Variants in MAPK10 observed in about 807,000 individuals in gnomAD.
MAPK10 encodes the protein JNK3 alpha protein kinase.
In MAPK10, 25 loss-of-function variants were observed where a neutral mutation model predicts 59.3. That is an observed-to-expected ratio of 0.42 (90% CI 0.31 to 0.59). The LOEUF (loss-of-function observed/expected upper bound fraction) is 0.59, where lower values mean the gene tolerates loss of function less well. MAPK10 is among the 20% of genes least tolerant of loss of function. The pLI is 0.15. For synonymous variants in MAPK10, 190 were observed against 200.5 expected (o/e 0.95, Z 0.44); for missense variants, 351 against 568.9 (o/e 0.62, Z 3.90).
At chr4:86,128,628 C>CT (rs2149133618) in intron 4 of MAPK10, among the ~76,000 whole-genome samples, 1 of 152,192 alleles carries the variant, frequency 6.6e-6, no homozygotes, top group Non-Finnish European at 1.5e-5. Context: ...TTGGGTATGA[C>CT]TTTTTTAACA....
At chr4:86,580,781 T>A (rs1014506686) in intron 1 of MAPK10, among the ~76,000 whole-genome samples, 2 of 152,198 alleles carry the variant, frequency 1.3e-5, no homozygotes, top group African/African-American at 2.4e-5. Context: ...ATAACTCATG[T>A]GGACACACAT....
chr4:86,075,993 C>CTCGTTG (rs2049291299), intron 9 of MAPK10, among the ~76,000 whole-genome samples: 4 of 151,642 alleles, frequency 2.6e-5, no homozygotes, highest in Non-Finnish European at 4.4e-5. Context: ...CTCCCCCAGC[C>CTCGTTG]CTCCTGGGGC....
intron 2 of MAPK10, chr4:86,336,271 T>G (rs1485014596): frequency 6.6e-6 from 1 of 152,124 alleles, no homozygotes; most frequent in Non-Finnish European, 1.5e-5. Context: ...GATGTGGGTA[T>G]TTTGGGTAAG....
intron 1 of MAPK10, among the ~76,000 whole-genome samples, chr4:86,404,629 T>C (rs1394624475): frequency 6.6e-6 from 1 of 152,210 alleles, no homozygotes; most frequent in East Asian, 1.9e-4. Context: ...ATCCTACCAT[T>C]TTAAGCACCC....
intron 2 of MAPK10, among the ~76,000 whole-genome samples, chr4:86,324,199 GA>G (rs1423740594): frequency 2.0e-5 from 3 of 152,094 alleles, no homozygotes; most frequent in African/African-American, 7.2e-5. Flanking sequence ...CTGCAGTCAG[GA>G]GTTCGAGACC....
At position 86,469,560 on chromosome 4, in the gene MAPK10, T is replaced by C. The variant is rs116533263; in HGVS notation, c.-262-114916A>G. 1.6e-3 allele frequency among the ~76,000 whole-genome samples: 251 copies of C among 152,338 alleles called. 1 individual carries two copies. The highest frequency in any genetic ancestry group is 3.4e-3 in the Middle Eastern group (1 of 294). On this transcript the variant is annotated intron_variant, in intron 1 of 4. Transcript: ENST00000502302. Reference sequence around the variant, plus strand: ...AGGCAATCACTCACTGCCAAGATTTTCCAATTGCCAATACTTTCCAATTTC... The same window carrying C: ...AGGCAATCACTCACTGCCAAGATTTCCCAATTGCCAATACTTTCCAATTTC...
intron 1 of MAPK10, among the ~76,000 whole-genome samples, chr4:86,508,192 G>A (rs962108031): frequency 4.6e-5 from 7 of 151,882 alleles, no homozygotes; most frequent in East Asian, 1.9e-4. Flanking sequence ...ATTTAGTTTC[G>A]CATTAATGGT....
At chr4:86,338,873 T>TA (rs1723183817) in intron 2 of MAPK10, among the ~76,000 whole-genome samples, 3 of 152,034 alleles carry the variant, frequency 2.0e-5, no homozygotes, top group South Asian at 4.1e-4. Flanking sequence ...ATTTAGTGCC[T>TA]AGTGTTGACA....
chr4:86,322,835 T>C (rs1181794719), intron 2 of MAPK10, among the ~76,000 whole-genome samples: 1 of 152,182 alleles, frequency 6.6e-6, no homozygotes, highest in African/African-American at 2.4e-5. Flanking sequence ...TGCCAGGAAA[T>C]AGAAAAATGT....
At chr4:86,552,455 A>G (rs145612566) in intron 1 of MAPK10, among the ~76,000 whole-genome samples, 41 of 69,856 alleles carry the variant, frequency 5.9e-4, no homozygotes, top group Middle Eastern at 6.9e-3. Flanking sequence ...GAAGGAAGGA[A>G]GGAAGGAGGG....
At chr4:86,569,906 C>G (rs1474162116) in intron 1 of MAPK10, among the ~76,000 whole-genome samples, 1 of 152,062 alleles carries the variant, frequency 6.6e-6, no homozygotes, top group East Asian at 1.9e-4. Context: ...CCCCACTACA[C>G]AACATATCCA....
At chr4:86,108,464 G>T (rs932921591) in intron 4 of MAPK10, among the ~76,000 whole-genome samples, 1 of 152,108 alleles carries the variant, frequency 6.6e-6, no homozygotes, top group African/African-American at 2.4e-5. Flanking sequence ...GAAGCCTCAT[G>T]CCACAGAACT....
intron 1 of MAPK10, among the ~76,000 whole-genome samples, chr4:86,573,116 T>G (rs1761593686): frequency 6.6e-6 from 1 of 152,200 alleles, no homozygotes; most frequent in South Asian, 2.1e-4. Context: ...AGGAATCTTT[T>G]GAAGAGCACA....
chr4:86,112,618 A>C (rs1008980782), intron 4 of MAPK10, among the ~76,000 whole-genome samples: 7 of 152,076 alleles, frequency 4.6e-5, no homozygotes, highest in Non-Finnish European at 1.0e-4. Context: ...TTTGGTGAGG[A>C]GTGTTTTACT....
chr4:86,064,552 T>C (rs889930019), intron 10 of MAPK10, 162 bp from the exon 11 acceptor site: 8 of 653,514 alleles, frequency 1.2e-5, no homozygotes, highest in Non-Finnish European at 1.8e-5. Context: ...TTTACACCTG[T>C]TTCTTTGTGT....
At chr4:86,024,443 A>T (rs1283237798) in intron 13 of MAPK10, 1 of 152,200 alleles carries the variant, frequency 6.6e-6, no homozygotes, top group African/African-American at 2.4e-5. Context: ...TTTTCAGCAC[A>T]CTTCTGGAAT....
At chr4:86,082,518 G>C (rs759862604) in intron 9 of MAPK10, among the ~76,000 whole-genome samples, 2 of 152,134 alleles carry the variant, frequency 1.3e-5, no homozygotes, top group African/African-American at 2.4e-5. Context: ...TAGGAGTTCA[G>C]TCAGGGTGGC....
At chr4:86,026,916 T>G (rs957685888) in intron 13 of MAPK10, 8 of 152,162 alleles carry the variant, frequency 5.3e-5, no homozygotes, top group Non-Finnish European at 1.0e-4. Flanking sequence ...AAAAACGCCC[T>G]GATTTGTAGG....
chr4:86,035,313 G>A (rs977830716), intron 11 of MAPK10, among the ~76,000 whole-genome samples: 5 of 142,518 alleles, frequency 3.5e-5, no homozygotes, highest in African/African-American at 1.3e-4. Flanking sequence ...GGAGGTTGCA[G>A]TGAGCCCAGA....
Sources: gnomAD v4.1 joint callset for allele counts (sites outside exome capture counted in the v4.1 genomes callset) on GRCh38, gnomAD v4.1.1 for gene constraint, MANE v1.5 for transcripts, NCBI Gene and HGNC (gene_info 2026-07-23, HGNC 2026-07-21) for gene names.